CCDC6: variants seen among roughly 807,000 people sequenced by gnomAD.
The protein encoded by CCDC6 is coiled-coil domain containing 6, also known as coiled-coil domain-containing protein 6.
In CCDC6, 20 loss-of-function variants were observed where a neutral mutation model predicts 56.6. That is an observed-to-expected ratio of 0.35 (90% confidence interval 0.25 to 0.51). The LOEUF (loss-of-function observed/expected upper bound fraction) is 0.51, where lower values mean the gene tolerates loss of function less well. CCDC6 is among the 20% of genes least tolerant of loss of function. The pLI, the probability that CCDC6 is intolerant of heterozygous loss-of-function variation, is 0.95. For synonymous variants in CCDC6, 241 were observed against 234.4 expected, an observed-to-expected ratio of 1.03 and a Z score of -0.26; for missense variants, 367 against 601.1, an observed-to-expected ratio of 0.61 and a Z score of 4.07.
intron 3 of CCDC6, among the ~76,000 whole-genome samples, chr10:59,821,789 G>C: frequency 7.6e-6 from 1 of 131,198 alleles, no homozygotes. Flanking sequence ...GGAGAAATAC[G>C]CAAAAAAAAT....
intron 1 of CCDC6, among the ~76,000 whole-genome samples, chr10:59,896,401 C>A (rs1357478189): frequency 6.6e-6 from 1 of 152,124 alleles, no homozygotes; most frequent in African/African-American, 2.4e-5. Context: ...AAGCCCAGAG[C>A]TGGGCGTAGG....
chr10:59,808,228 A>G (rs2070643198), intron 5 of CCDC6, among the ~76,000 whole-genome samples: 1 of 152,128 alleles, frequency 6.6e-6, no homozygotes, highest in Non-Finnish European at 1.5e-5. Context: ...TGAGCCACTT[A>G]GACTACCTCT....
At chr10:59,862,516 T>TATATATATATATATATATAC (rs1554886091) in intron 1 of CCDC6, among the ~76,000 whole-genome samples, 7 of 97,186 alleles carry the variant, frequency 7.2e-5, no homozygotes, top group Non-Finnish European at 9.5e-5. Context: ...TATATATATA[T>TATATATATATATATATATAC]ACACACACAC....
rs899574522 is a variant in CCDC6 at position 59,892,651 on chromosome 10, C to T, written c.303+13471G>A. Among the ~76,000 whole-genome samples, 35 of 150,844 alleles carry T rather than the reference C, an allele frequency of 2.3e-4. No individual in the cohort carries two copies. In the South Asian group the frequency reaches 2.6e-3, roughly 11 times the overall value. On this transcript the variant is annotated intron_variant, in intron 1 of 8. Transcript: ENST00000263102. ...GGGAAGTACTAATAATAGTTAATAT[C>T]ATTTTCTACAGGAATAACTCACACA...
chr10:59,836,357 C>A (rs2070882676), intron 2 of CCDC6, among the ~76,000 whole-genome samples: 1 of 152,168 alleles, frequency 6.6e-6, no homozygotes, highest in African/African-American at 2.4e-5. Context: ...ACGTAAAAAC[C>A]CTGGGAAGCC....
In CCDC6 at chr10:59,884,843, C is replaced by A. The variant is rs2071370593; in HGVS notation, c.303+21279G>T. The stretch of plus-strand genomic sequence containing the variant: ...CTTTGGGAGGCCGAGGCGGGCAGAT[C>A]ACTTGAAGTCAGGAATTTGAGACCA... On this transcript the variant is annotated intron_variant, in intron 1 of 8. Transcript: ENST00000263102. 3.3e-5 allele frequency among the ~76,000 whole-genome samples: 5 copies of A among 152,134 alleles called. 1 individual carries two copies. Among genetic ancestry groups the A allele is most frequent in the Admixed American group, 3.3e-4 (5 of 15,270 alleles).
chr10:59,836,830 A>T (rs1341446293), intron 2 of CCDC6, among the ~76,000 whole-genome samples: 2 of 152,278 alleles, frequency 1.3e-5, no homozygotes, highest in Non-Finnish European at 2.9e-5. Flanking sequence ...AATTAGGGTT[A>T]TATAAATAAA....
chr10:59,893,713 TTAAAG>T (rs1370846819), intron 1 of CCDC6, among the ~76,000 whole-genome samples: 1 of 143,766 alleles, frequency 7.0e-6, no homozygotes, highest in Non-Finnish European at 1.5e-5. Context: ...TCTGTATACT[TTAAAG>T]TAAGTTATGG....
chr10:59,804,944 A>G lies in CCDC6; in HGVS notation c.1005-424T>C. The G allele has an allele frequency of 1.1e-5, 2 of 188,018 alleles. 1 individual carries two copies. The highest frequency in any genetic ancestry group is 2.0e-4 in the South Asian group (2 of 9,788). 11.6% of individuals were successfully genotyped at this position (188,018 alleles called of 1,614,324 possible). A position where few individuals can be genotyped will look rare whatever the true frequency, so the allele number is the denominator to read the frequency against. ...CAAGCCCTCTGAGATTTATGTCATCAAATTAAAGCCTACAGATACTTATTC... is the reference window on the plus strand; with the variant it reads ...CAAGCCCTCTGAGATTTATGTCATCGAATTAAAGCCTACAGATACTTATTC... On this transcript the variant is annotated intron_variant, in intron 6 of 8. Transcript: ENST00000263102.
intron 7 of CCDC6, 86 bp from the exon 8 acceptor site, chr10:59,794,683 T>C: frequency 8.7e-7 from 1 of 1,153,558 alleles, no homozygotes. Flanking sequence ...ATCGCAGTAG[T>C]TCTCTATCAC....
At chr10:59,873,469 G>C (rs2071250051) in intron 1 of CCDC6, among the ~76,000 whole-genome samples, 2 of 152,100 alleles carry the variant, frequency 1.3e-5, no homozygotes. Flanking sequence ...TCCCCGGCCA[G>C]AGGTTTCCAA....
intron 1 of CCDC6, among the ~76,000 whole-genome samples, chr10:59,883,106 C>CT (rs2071358189): frequency 6.6e-6 from 1 of 152,080 alleles, no homozygotes; most frequent in Admixed American, 6.5e-5. Flanking sequence ...GTCCCAGGGA[C>CT]TTGGAAGGGT....
intron 2 of CCDC6, among the ~76,000 whole-genome samples, chr10:59,843,796 C>T (rs971135080): frequency 1.3e-5 from 2 of 152,190 alleles, no homozygotes; most frequent in African/African-American, 2.4e-5. Context: ...CTCATTTACC[C>T]AGCTGATGCA....
chr10:59,879,279 C>T (rs1304377350), intron 1 of CCDC6, among the ~76,000 whole-genome samples: 1 of 152,086 alleles, frequency 6.6e-6, no homozygotes, highest in Non-Finnish European at 1.5e-5. Flanking sequence ...TACTTAGTAT[C>T]TTAAAGAATA....
At chr10:59,865,881 C>T in intron 1 of CCDC6, among the ~76,000 whole-genome samples, 1 of 132,138 alleles carries the variant, frequency 7.6e-6, no homozygotes, top group East Asian at 2.1e-4. Context: ...AAAAGAATAC[C>T]ATTCCAGATT....
intron 2 of CCDC6, among the ~76,000 whole-genome samples, chr10:59,847,319 T>C (rs888773504): frequency 1.5e-4 from 23 of 151,902 alleles, no homozygotes; most frequent in Non-Finnish European, 2.6e-4. Flanking sequence ...TCCCAAAGTG[T>C]TGGGATTACA....
chr10:59,898,407 G>A (rs1415169995), intron 1 of CCDC6, among the ~76,000 whole-genome samples: 1 of 152,212 alleles, frequency 6.6e-6, no homozygotes, highest in Non-Finnish European at 1.5e-5. Context: ...GAATGAATGT[G>A]ATAACTTGTT....
At chr10:59,863,690 T>A (rs1477910632) in intron 1 of CCDC6, among the ~76,000 whole-genome samples, 1 of 152,230 alleles carries the variant, frequency 6.6e-6, no homozygotes, top group Non-Finnish European at 1.5e-5. Flanking sequence ...TCTATCTCAA[T>A]AAAGCTGTTT....
chr10:59,829,126 G>A (rs1213144985), intron 3 of CCDC6, among the ~76,000 whole-genome samples: 1 of 152,200 alleles, frequency 6.6e-6, no homozygotes, highest in Non-Finnish European at 1.5e-5. Context: ...TAAACTTACA[G>A]TGAGGCCCTG....
Sources: gnomAD v4.1 joint callset for allele counts (sites outside exome capture counted in the v4.1 genomes callset) on GRCh38, gnomAD v4.1.1 for gene constraint, MANE v1.5 for transcripts, NCBI Gene and HGNC (gene_info 2026-07-23, HGNC 2026-07-21) for gene names.